RNF213: variants seen among roughly 807,000 people sequenced by gnomAD.
The protein encoded by RNF213 is E3 ubiquitin-protein ligase RNF213.
Under a neutral mutation model 514.4 loss-of-function variants are expected in RNF213, and 341 were observed. The ratio of observed to expected loss-of-function variants is 0.66; its 90% CI spans 0.61 to 0.73. RNF213 has a LOEUF of 0.73. RNF213 is among the 30% of genes least tolerant of loss of function. The pLI is 0.00. For missense variants in RNF213, 5,767 were observed against 6,615.6 expected, an observed-to-expected ratio of 0.87 and a Z score of 4.45; for synonymous variants, 2,655 against 2,658.2, an observed-to-expected ratio of 1.00 and a Z score of 0.04.
chr17:80,344,320 C>T (rs987643932), intron 28 of RNF213, among the ~76,000 whole-genome samples: 1 of 152,180 alleles, frequency 6.6e-6, no homozygotes. Flanking sequence ...GTTGAAAGAC[C>T]TCACCTTTCC....
intron 5 of RNF213, among the ~76,000 whole-genome samples, chr17:80,289,201 C>T (rs546742735): frequency 6.6e-6 from 1 of 152,256 alleles, no homozygotes; most frequent in African/African-American, 2.4e-5. Flanking sequence ...CCTCTGGAGG[C>T]TGTGATTAGT....
chr17:80,324,432 G>A (rs1040050496), intron 17 of RNF213, among the ~76,000 whole-genome samples: 1 of 152,146 alleles, frequency 6.6e-6, no homozygotes, highest in African/African-American at 2.4e-5. Flanking sequence ...AATTACACTT[G>A]ATCGTGGTGT....
At position 80,353,299 on chromosome 17, in the gene RNF213, C is replaced by T; in HGVS notation, c.10424-213C>T. ...AGCAGGCCAGCCATGGAAGTGAGCA[C>T]CTAGAACACGCCAGAGCCCAGGCTG... On this transcript the variant is annotated intron_variant, in intron 33 of 67. Coordinates refer to ENST00000582970, the MANE Select transcript of RNF213 (RefSeq NM_001256071.3). The surrounding 1 kb of genome is among the most constrained non-coding windows in gnomAD (Gnocchi z 5.0). The T allele has an allele frequency of 1.3e-6, 1 of 777,516 alleles. No individual in the cohort carries two copies. The highest frequency in any genetic ancestry group is 2.1e-6 in the Non-Finnish European group (1 of 472,488). 48.2% of individuals were successfully genotyped at this position (777,516 alleles called of 1,614,324 possible).
rs2080616920 is a variant in RNF213 at position 80,394,878 on chromosome 17, ACT to A, written c.*1383_*1384del. 6.6e-6 allele frequency: 1 copy of A among 151,730 alleles called. No homozygotes were observed. The highest frequency in any genetic ancestry group is 2.1e-4 in the South Asian group (1 of 4,796). 9.4% of individuals were successfully genotyped at this position (151,730 alleles called of 1,614,324 possible). A position where few individuals can be genotyped will look rare whatever the true frequency, so the allele number is the denominator to read the frequency against. On this transcript the variant is annotated 3_prime_UTR_variant, in exon 68 of 68. Coordinates refer to ENST00000582970, the MANE Select transcript of RNF213 (RefSeq NM_001256071.3). ...TTTAGTCATCTGTGATTGTTTTATC[ACT>A]CTGGACTGTGCAGAGCCACCTGCCA...
At chr17:80,321,218 T>C (rs1195489538) in intron 17 of RNF213, 1 of 152,250 alleles carries the variant, frequency 6.6e-6, no homozygotes, top group Non-Finnish European at 1.5e-5. Context: ...GGTAATTTTA[T>C]ACAATATTTT....
At chr17:80,359,012 A>C (rs75498886) in intron 37 of RNF213, among the ~76,000 whole-genome samples, 3,690 of 152,262 alleles carry the variant, frequency 0.024, 156 homozygotes, top group African/African-American at 0.084. Context: ...CAGACCCAGC[A>C]TGGCGTGACA....
chr17:80,356,094 T>C (rs935452392), intron 36 of RNF213, among the ~76,000 whole-genome samples: 2 of 151,652 alleles, frequency 1.3e-5, no homozygotes, highest in African/African-American at 4.8e-5. Context: ...TTCCACCTCC[T>C]GGGTTCAAGC....
At chr17:80,318,819 C>T (rs980234951) in intron 16 of RNF213, among the ~76,000 whole-genome samples, 4 of 152,048 alleles carry the variant, frequency 2.6e-5, no homozygotes, top group South Asian at 2.1e-4. Flanking sequence ...GTGATCCACC[C>T]GCCTCAGCCT....
chr17:80,391,902 C>T (rs1298438779), intron 67 of RNF213, among the ~76,000 whole-genome samples: 1 of 151,132 alleles, frequency 6.6e-6, no homozygotes, highest in Non-Finnish European at 1.5e-5. Context: ...TCCCGAGTAG[C>T]TGGGACTACA....
At chr17:80,286,614 G>T (rs566223812) in intron 3 of RNF213, among the ~76,000 whole-genome samples, 1 of 152,270 alleles carries the variant, frequency 6.6e-6, no homozygotes, top group South Asian at 2.1e-4. Flanking sequence ...AGTTGCTGAG[G>T]AGAGGGTGGA....
At position 80,390,140 on chromosome 17, in the gene RNF213, C is replaced by A. The variant is rs771430826; in HGVS notation, c.15414C>A (p.Ile5138=). The A allele has an allele frequency of 6.2e-7, 1 of 1,614,224 alleles. No individual in the cohort carries two copies. Among genetic ancestry groups the A allele is most frequent in the South Asian group, 1.1e-5 (1 of 91,088 alleles). ...TGCTAGAGCTGCACGAAATGATAAT[C>A]TTGAAACTAAAGAACCCCCAAACCC... is the stretch of plus-strand genomic sequence containing the variant. ...AFLLELHEMI[I]LKLKNPQTQT... The change falls in exon 67 of 68, where the codon ATC becomes ATA. Residue 5138 remains isoleucine (I), a synonymous_variant. Transcript: ENST00000582970.
intron 3 of RNF213, among the ~76,000 whole-genome samples, chr17:80,284,364 C>A (rs2044398811): frequency 6.7e-6 from 1 of 149,144 alleles, no homozygotes; most frequent in East Asian, 2.0e-4. Flanking sequence ...AACTTCGTCT[C>A]AAAAAAAACA....
intron 49 of RNF213, 66 bp downstream of exon 49, chr17:80,373,231 A>G: frequency 1.5e-6 from 2 of 1,301,828 alleles, no homozygotes; most frequent in South Asian, 2.6e-5. Context: ...CCAAACCCAC[A>G]CACCCCCCTA....
chr17:80,283,479 C>T (rs1354583063), intron 3 of RNF213, among the ~76,000 whole-genome samples: 1 of 152,244 alleles, frequency 6.6e-6, no homozygotes, highest in Admixed American at 6.5e-5. Context: ...TTACTGCAGT[C>T]TTTCCACAGC....
chr17:80,291,519 AG>A, intron 7 of RNF213, 108 bp from the exon 8 acceptor site: 1 of 1,143,984 alleles, frequency 8.7e-7, no homozygotes, highest in South Asian at 1.2e-5. Flanking sequence ...CACTGAACCC[AG>A]CCTTGCCACA....
chr17:80,338,113 C>A, intron 25 of RNF213, 116 bp downstream of exon 25: 1 of 1,287,716 alleles, frequency 7.8e-7, no homozygotes, highest in Non-Finnish European at 1.1e-6. Context: ...ATAAGAAGGG[C>A]TCTGCTCTTA....
chr17:80,338,047 C>T (rs1397282537), intron 25 of RNF213, 50 bp downstream of exon 25: 49 of 1,532,046 alleles, frequency 3.2e-5, no homozygotes, highest in Non-Finnish European at 3.9e-5. Context: ...TCATCTCGTC[C>T]GTGAGGGCTG....
At chr17:80,373,245 T>A in intron 49 of RNF213, 80 bp downstream of exon 49, 1 of 1,042,596 alleles carries the variant, frequency 9.6e-7, no homozygotes, top group Non-Finnish European at 1.3e-6. Context: ...CCCCCTACCC[T>A]CACACCCTAC....
chr17:80,337,280 C>T (rs978644083), intron 23 of RNF213, among the ~76,000 whole-genome samples: 5 of 152,156 alleles, frequency 3.3e-5, no homozygotes, highest in Admixed American at 6.5e-5. Flanking sequence ...GGCAGGCGGG[C>T]GGCTGCTCAT....
Sources: allele counts gnomAD v4.1 joint callset (sites outside exome capture counted in the v4.1 genomes callset), GRCh38; gene constraint gnomAD v4.1.1; non-coding constraint Gnocchi (gnomAD v3.1); transcripts MANE v1.5; gene names NCBI Gene and HGNC (gene_info 2026-07-23, HGNC 2026-07-21).